The following SPTA1 variants were observed in gnomAD, a reference collection of about 807,000 sequenced individuals.
SPTA1 encodes the protein spectrin alpha chain, erythrocytic 1.
Under a neutral mutation model 324.7 loss-of-function variants are expected in SPTA1, and 177 were observed. The ratio of observed to expected loss-of-function variants is 0.55; its 90% CI spans 0.48 to 0.62. The LOEUF (loss-of-function observed/expected upper bound fraction) is 0.62. Ranked by LOEUF, SPTA1 falls within the 20% of genes least tolerant of loss-of-function variation. The pLI is 0.00. For synonymous variants in SPTA1, 1,195 were observed against 1,041.3 expected (o/e 1.15, Z -2.84); for missense variants, 3,162 against 2,883.6 (o/e 1.10, Z -2.21).
In SPTA1 at chr1:158,644,300, C is replaced by G; in HGVS notation, c.4291G>C (p.Ala1431Pro). Reference sequence around the variant, plus strand: ...AAATCGTCCCGTTTCTTCATCAAAGCCTCCAGACTGTCTAAGGAACTTTTG... The same window carrying G: ...AAATCGTCCCGTTTCTTCATCAAAGGCTCCAGACTGTCTAAGGAACTTTTG... ...DDKSSLDSLE[A>P]LMKKRDDLDK... is the part of the protein sequence containing the mutation. Residue 1431 changes from alanine to proline, a missense_variant, in exon 30 of 52, where the codon GCT becomes CCT. Coordinates refer to ENST00000643759, the MANE Select transcript of SPTA1 (RefSeq NM_003126.4). 1 of 1,613,950 alleles carries G rather than the reference C, an allele frequency of 6.2e-7. No individual in the cohort carries two copies. Among genetic ancestry groups the G allele is most frequent in the Non-Finnish European group, 8.5e-7 (1 of 1,179,924 alleles).
rs1389065474 is a variant in SPTA1, at chr1:158,643,442, G to A, written c.4339-17C>T. 6.2e-7 allele frequency: 1 copy of A among 1,611,422 alleles called. No homozygotes were observed. Among genetic ancestry groups the A allele is most frequent in the Non-Finnish European group, 8.5e-7 (1 of 1,178,636 alleles). ...CTTCCCTTCCTAAATAAAGGAAAAGGAAAGAGCCCAGATGCTTGGAGATTA... is the reference window on the plus strand; with the variant it reads ...CTTCCCTTCCTAAATAAAGGAAAAGAAAAGAGCCCAGATGCTTGGAGATTA... On this transcript the variant is annotated splice_polypyrimidine_tract_variant and intron_variant, in intron 30 of 51. Transcript: ENST00000643759.
intron 4 of SPTA1, 85 bp from the exon 5 acceptor site, chr1:158,680,814 C>T (rs1654753393): frequency 1.9e-6 from 3 of 1,559,728 alleles, no homozygotes; most frequent in South Asian, 2.2e-5. Flanking sequence ...GCTTGCATTC[C>T]CAGGATAACT....
chr1:158,681,387 C>A, intron 4 of SPTA1, 140 bp downstream of exon 4: 1 of 1,390,508 alleles, frequency 7.2e-7, no homozygotes, highest in South Asian at 1.2e-5. Context: ...CATTTTGGCC[C>A]CAATTTCCTC....
intron 20 of SPTA1, among the ~76,000 whole-genome samples, chr1:158,655,061 C>T (rs531132913): frequency 6.6e-6 from 1 of 152,214 alleles, no homozygotes; most frequent in Admixed American, 6.5e-5. Context: ...AGTGTACTCC[C>T]TTAAGAAGGT....
At position 158,668,080 on chromosome 1, in the gene SPTA1, A is replaced by G. The variant is rs770124242; in HGVS notation, c.1834-18T>C. 84 of 1,551,578 alleles carry G rather than the reference A, an allele frequency of 5.4e-5. 1 individual carries two copies. In the South Asian group the frequency reaches 8.7e-4, roughly 16 times the overall value. On this transcript the variant is annotated intron_variant, in intron 14 of 51. Coordinates refer to ENST00000643759, the MANE Select transcript of SPTA1 (RefSeq NM_003126.4). ...TGTATGTCCTGAGATAAGATGAAAA[A>G]AAAAAAAAAAACCATTACCTGAAGA...
In SPTA1 at chr1:158,681,521, C is replaced by T. The variant is rs368078960; in HGVS notation, c.531+6G>A. 8.9e-5 allele frequency: 143 copies of T among 1,613,394 alleles called. No individual in the cohort carries two copies. Among genetic ancestry groups the T allele is most frequent in the African/African-American group, 2.5e-4 (19 of 74,854 alleles). On this transcript the variant is annotated splice_donor_region_variant and intron_variant, in intron 4 of 51. Coordinates refer to ENST00000643759, the MANE Select transcript of SPTA1 (RefSeq NM_003126.4). ...CCCTGTGTGATTGCTGTTTTAAGTT[C>T]GATACCTTGTCTCCAATCCACTCTA...
At chr1:158,675,707 A>G (rs1406206626) in intron 8 of SPTA1, among the ~76,000 whole-genome samples, 1 of 152,200 alleles carries the variant, frequency 6.6e-6, no homozygotes, top group East Asian at 1.9e-4. Context: ...GCACTGTGAT[A>G]CTAAGACAGT....
intron 45 of SPTA1, 81 bp downstream of exon 45, chr1:158,619,141 C>G: frequency 1.5e-6 from 2 of 1,325,366 alleles, no homozygotes; most frequent in Non-Finnish European, 2.2e-6. Context: ...AGTCTCTCCT[C>G]TTCCCTTCAA....
At chr1:158,665,425 G>C (rs1007788107) in intron 16 of SPTA1, among the ~76,000 whole-genome samples, 3 of 87,464 alleles carry the variant, frequency 3.4e-5, no homozygotes, top group African/African-American at 2.5e-4. Context: ...CATCATGAAA[G>C]TGTATTTTTA....
intron 25 of SPTA1, 132 bp downstream of exon 25, chr1:158,649,724 C>G: frequency 1.3e-6 from 1 of 765,338 alleles, no homozygotes; most frequent in Non-Finnish European, 2.2e-6. Flanking sequence ...ACTAAAAAAC[C>G]TAATTTTCTA....
At chr1:158,682,263 C>G (rs887334342) in intron 3 of SPTA1, among the ~76,000 whole-genome samples, 4 of 152,148 alleles carry the variant, frequency 2.6e-5, no homozygotes, top group African/African-American at 9.7e-5. Flanking sequence ...TATGTCATAT[C>G]TTCAAGAATC....
At chr1:158,659,598 T>A (rs377091754) in intron 18 of SPTA1, among the ~76,000 whole-genome samples, 221 of 11,236 alleles carry the variant, frequency 0.02, 3 homozygotes, top group Non-Finnish European at 0.023. Context: ...TAGCATTATT[T>A]TTTTTTTTTT....
Position 158,653,315 on chromosome 1 carries a change from C to G in SPTA1, c.3147G>C (p.Glu1049Asp). The G allele has an allele frequency of 6.2e-7, 1 of 1,614,122 alleles. No individual in the cohort carries two copies. The highest frequency in any genetic ancestry group is 8.5e-7 in the Non-Finnish European group (1 of 1,180,028). ...CCTGGCGCTGGGTGATGTTTCCTGG[C>G]TCTTCTCGTCGCCGCTGTGGGAGCA... ...FPMLPQRRRE[E>D]PGNITQRQEQ... The change falls in exon 22 of 52, where the codon GAG (glutamate) becomes GAC (aspartate). Residue 1049 changes from glutamate to aspartate, a missense_variant. Physicochemically the swap from Glu to Asp is conservative, Grantham distance 45. Transcript: ENST00000643759.
intron 50 of SPTA1, among the ~76,000 whole-genome samples, chr1:158,613,496 T>C (rs1467036119): frequency 6.6e-6 from 1 of 152,198 alleles, no homozygotes; most frequent in Non-Finnish European, 1.5e-5. Context: ...ACATAAATCA[T>C]GAATTGGAGA....
At position 158,672,098 on chromosome 1, in the gene SPTA1, T is replaced by C; in HGVS notation, c.1449A>G (p.Arg483=). Residue 483 remains arginine, a synonymous_variant, in exon 11 of 52, where the codon AGA becomes AGG. Coordinates refer to ENST00000643759, the MANE Select transcript of SPTA1 (RefSeq NM_003126.4). The part of the protein sequence containing the change: ...EQCLDFHLFY[R]DSEQVDSWMS... ...TCCAACTGTCCACTTGCTCACTGTCTCTGTAGAAGAGATGAAAGTCCAAGC... is the reference window on the plus strand; with the variant it reads ...TCCAACTGTCCACTTGCTCACTGTCCCTGTAGAAGAGATGAAAGTCCAAGC... 6.2e-7 allele frequency: 1 copy of C among 1,614,044 alleles called. No individual in the cohort carries two copies. The highest frequency in any genetic ancestry group is 8.5e-7 in the Non-Finnish European group (1 of 1,179,966).
chr1:158,640,299 T>G (rs564821433), intron 33 of SPTA1, among the ~76,000 whole-genome samples: 1 of 139,762 alleles, frequency 7.2e-6, no homozygotes, highest in East Asian at 2.0e-4. Flanking sequence ...TGATAAGAGT[T>G]TGGAATTAAG....
At chr1:158,626,747 ATACAGTAAAAGTCCCAG>A in intron 41 of SPTA1, 75 bp downstream of exon 41, 1 of 1,545,054 alleles carries the variant, frequency 6.5e-7, no homozygotes, top group African/African-American at 1.4e-5. Flanking sequence ...ACCTCCTTTC[ATACAGTAAAAGTCCCAG>A]AGACCATTCT....
intron 46 of SPTA1, 131 bp downstream of exon 46, chr1:158,617,907 CT>C (rs1649657820): frequency 1.1e-6 from 1 of 906,560 alleles, no homozygotes; most frequent in African/African-American, 1.6e-5. Flanking sequence ...GCTTTTCCTT[CT>C]CACTCCACAT....
chr1:158,632,330 C>T (rs1650735644), intron 39 of SPTA1, among the ~76,000 whole-genome samples: 1 of 152,000 alleles, frequency 6.6e-6, no homozygotes, highest in Non-Finnish European at 1.5e-5. Context: ...TACAGTCAAG[C>T]AAGATGAAAA....
Sources: allele counts gnomAD v4.1 joint callset (sites outside exome capture counted in the v4.1 genomes callset), GRCh38; gene constraint gnomAD v4.1.1; transcripts MANE v1.5; gene names NCBI Gene and HGNC (gene_info 2026-07-23, HGNC 2026-07-21).